The following TFAP2D variants were observed in gnomAD, a reference collection of about 807,000 sequenced individuals.
The protein encoded by TFAP2D is transcription factor AP-2 delta.
A neutral mutation model predicts 43.6 loss-of-function variants in TFAP2D; 9 were observed. The observed-to-expected ratio is 0.21, with a 90% CI of 0.12 to 0.36. TFAP2D has a LOEUF of 0.36. TFAP2D is among the 10% of genes least tolerant of loss of function. The pLI is 1.00. For missense variants in TFAP2D, 513 were observed against 561.4 expected (o/e 0.91, Z 0.87); for synonymous variants, 256 against 224.9 (o/e 1.14, Z -1.24).
In TFAP2D at chr6:50,756,857, T is replaced by C. The variant is rs1017950837; in HGVS notation, c.1139+5533T>C. Among the ~76,000 whole-genome samples, 8 of 152,028 alleles carry C rather than the reference T, an allele frequency of 5.3e-5. No individual in the cohort carries two copies. In the South Asian group the frequency reaches 8.3e-4, roughly 16 times the overall value. On this transcript the variant is annotated intron_variant, in intron 7 of 7. Coordinates refer to ENST00000008391, the MANE Select transcript of TFAP2D (RefSeq NM_172238.4). Reference sequence around the variant, plus strand: ...GTGGCATGGGGTTTCACGGTCAGAGTAGCCTCAGCTCAGATGGAAACCCAG... The same window carrying C: ...GTGGCATGGGGTTTCACGGTCAGAGCAGCCTCAGCTCAGATGGAAACCCAG...
chr6:50,763,915 C>T (rs1270418776), intron 7 of TFAP2D, among the ~76,000 whole-genome samples: 1 of 152,044 alleles, frequency 6.6e-6, no homozygotes, highest in Non-Finnish European at 1.5e-5. Flanking sequence ...GTAGTTACAC[C>T]ACTGTGTGGG....
chr6:50,719,493 GAAAGAAA>G (rs1227101132), intron 3 of TFAP2D, among the ~76,000 whole-genome samples: 2 of 136,134 alleles, frequency 1.5e-5, no homozygotes, highest in African/African-American at 5.3e-5. Context: ...AAGAAAGAAA[GAAAGAAA>G]GAAGTTTCTC....
chr6:50,772,884 T>C lies in TFAP2D; in HGVS notation c.*20T>C. Reference sequence around the variant, plus strand: ...GACTAGCTACATCAAACAGAATCTATTTCCAGAGAGTCTTGCTGCTGATAT... The same window carrying C: ...GACTAGCTACATCAAACAGAATCTACTTCCAGAGAGTCTTGCTGCTGATAT... On this transcript the variant is annotated 3_prime_UTR_variant, in exon 8 of 8. Coordinates refer to ENST00000008391, the MANE Select transcript of TFAP2D (RefSeq NM_172238.4). The C allele has an allele frequency of 6.3e-7, 1 of 1,595,444 alleles. No individual in the cohort carries two copies. Among genetic ancestry groups the C allele is most frequent in the South Asian group, 1.1e-5 (1 of 89,040 alleles).
At chr6:50,717,819 A>G (rs189854884) in intron 2 of TFAP2D, among the ~76,000 whole-genome samples, 2 of 152,380 alleles carry the variant, frequency 1.3e-5, no homozygotes, top group East Asian at 3.9e-4. Context: ...CTTTTAAAAC[A>G]AGAAATGGGG....
intron 3 of TFAP2D, among the ~76,000 whole-genome samples, chr6:50,725,517 A>G (rs1263341997): frequency 2.0e-5 from 3 of 152,256 alleles, no homozygotes; most frequent in African/African-American, 7.2e-5. Context: ...AATCAAAGAC[A>G]TTCTTAATTG....
At chr6:50,770,816 T>A (rs1769516183) in intron 7 of TFAP2D, among the ~76,000 whole-genome samples, 1 of 152,168 alleles carries the variant, frequency 6.6e-6, no homozygotes, top group African/African-American at 2.4e-5. Context: ...ACTAATGTCA[T>A]AATAACAGTT....
intron 6 of TFAP2D, among the ~76,000 whole-genome samples, chr6:50,748,624 C>T (rs562094810): frequency 5.3e-5 from 8 of 151,918 alleles, no homozygotes; most frequent in South Asian, 2.1e-4. Flanking sequence ...GTAATTTAGA[C>T]ATTTATTTAG....
chr6:50,768,690 G>A (rs1769479604), intron 7 of TFAP2D, among the ~76,000 whole-genome samples: 1 of 152,112 alleles, frequency 6.6e-6, no homozygotes, highest in Non-Finnish European at 1.5e-5. Flanking sequence ...AAAACTGCTA[G>A]AAAAGAATCT....
At chr6:50,725,868 A>G (rs780667064) in intron 3 of TFAP2D, among the ~76,000 whole-genome samples, 30 of 152,340 alleles carry the variant, frequency 2.0e-4, no homozygotes, top group Non-Finnish European at 3.8e-4. Flanking sequence ...CCAAATCTTT[A>G]GCCAGGACTA....
chr6:50,728,276 C>T (rs1462104068), intron 3 of TFAP2D, among the ~76,000 whole-genome samples: 1 of 152,158 alleles, frequency 6.6e-6, no homozygotes, highest in Non-Finnish European at 1.5e-5. Context: ...GGTATTTAAC[C>T]TATCATCACC....
intron 7 of TFAP2D, among the ~76,000 whole-genome samples, chr6:50,757,887 A>T (rs2113890375): frequency 6.9e-6 from 1 of 144,152 alleles, no homozygotes; most frequent in African/African-American, 2.5e-5. Flanking sequence ...ATAGAAGATT[A>T]AGCATACTGG....
chr6:50,716,201 GAATCGCA>G (rs1390203429), intron 2 of TFAP2D, among the ~76,000 whole-genome samples: 1 of 152,072 alleles, frequency 6.6e-6, no homozygotes, highest in African/African-American at 2.4e-5. Context: ...GGAAAGTAAA[GAATCGCA>G]AATGAAAGTC....
chr6:50,735,801 C>T (rs1032893308), intron 5 of TFAP2D, among the ~76,000 whole-genome samples: 2 of 152,082 alleles, frequency 1.3e-5, no homozygotes, highest in African/African-American at 4.8e-5. Context: ...TGAACTCTTT[C>T]CTATAGATAA....
Position 50,772,868 on chromosome 6 carries a change from C to T in TFAP2D, c.*4C>T, listed in dbSNP as rs776641691. 3.7e-6 allele frequency: 6 copies of T among 1,608,164 alleles called. No individual in the cohort carries two copies. Among genetic ancestry groups the T allele is most frequent in the Admixed American group, 3.4e-5 (2 of 59,168 alleles). On this transcript the variant is annotated 3_prime_UTR_variant, in exon 8 of 8. Coordinates refer to ENST00000008391, the MANE Select transcript of TFAP2D (RefSeq NM_172238.4). ...CAAAACAGAAAAGACAGACTAGCTA[C>T]ATCAAACAGAATCTATTTCCAGAGA... is the stretch of plus-strand genomic sequence containing the variant.
At chr6:50,750,247 A>G (rs1175942699) in intron 6 of TFAP2D, among the ~76,000 whole-genome samples, 2 of 151,926 alleles carry the variant, frequency 1.3e-5, no homozygotes, top group African/African-American at 4.8e-5. Flanking sequence ...CTTTGTTTAC[A>G]TTGATAATCA....
chr6:50,755,318 T>G (rs1384355427), intron 7 of TFAP2D, among the ~76,000 whole-genome samples: 1 of 151,932 alleles, frequency 6.6e-6, no homozygotes, highest in Admixed American at 6.6e-5. Context: ...ACAGAATATG[T>G]TAACAATAGG....
chr6:50,732,814 A>T (rs1248586002), intron 5 of TFAP2D, among the ~76,000 whole-genome samples: 3 of 152,120 alleles, frequency 2.0e-5, no homozygotes, highest in African/African-American at 7.2e-5. Flanking sequence ...TTTCATTAGC[A>T]TATCCCTAGG....
At chr6:50,755,749 A>G (rs1769255668) in intron 7 of TFAP2D, among the ~76,000 whole-genome samples, 1 of 152,044 alleles carries the variant, frequency 6.6e-6, no homozygotes, top group Non-Finnish European at 1.5e-5. Flanking sequence ...AGACTTCAAG[A>G]CCAGGCTGTG....
At chr6:50,725,713 A>T (rs1230492886) in intron 3 of TFAP2D, among the ~76,000 whole-genome samples, 1 of 150,272 alleles carries the variant, frequency 6.7e-6, no homozygotes, top group African/African-American at 2.4e-5. Flanking sequence ...GATTATCTTA[A>T]AGAAGTATCA....
Sources: gnomAD v4.1 joint callset for allele counts (sites outside exome capture counted in the v4.1 genomes callset) on GRCh38, gnomAD v4.1.1 for gene constraint, MANE v1.5 for transcripts, NCBI Gene and HGNC (gene_info 2026-07-23, HGNC 2026-07-21) for gene names.